Variants in DTNB observed in about 807,000 individuals in gnomAD.
The protein encoded by DTNB is dystrobrevin beta, also known as DTN-B.
Under a neutral mutation model 90.7 loss-of-function variants are expected in DTNB, and 63 were observed. That is an observed-to-expected ratio of 0.69 (90% confidence interval 0.57 to 0.86). The LOEUF is 0.86. Among genes scored for constraint, DTNB ranks in the 40% least tolerant of loss-of-function variants. The pLI, the probability that DTNB is intolerant of heterozygous loss-of-function variation, is 0.00. For synonymous variants in DTNB, 277 were observed against 286.7 expected (o/e 0.97, Z 0.34); for missense variants, 744 against 807.1 (o/e 0.92, Z 0.95).
Position 25,387,917 on chromosome 2 carries a change from G to A in DTNB, c.1735+285C>T, listed in dbSNP as rs2039968292. 1.3e-5 allele frequency among the ~76,000 whole-genome samples: 2 copies of A among 152,242 alleles called. No homozygotes were observed. The highest frequency in any genetic ancestry group is 4.1e-4 in the South Asian group (2 of 4,826). On this transcript the variant is annotated intron_variant, in intron 17 of 20. Coordinates refer to ENST00000406818, the MANE Select transcript of DTNB (RefSeq NM_021907.5). This position sits in a 1 kb window ranked among gnomAD's most constrained non-coding sequence, Gnocchi z 4.5. ...AATTATTCCATCCAATTCCTCTGGA[G>A]GAGACAAAGCCCAAAGGACAAAGCA...
intron 8 of DTNB, among the ~76,000 whole-genome samples, chr2:25,547,409 C>T (rs1021034454): frequency 1.3e-5 from 2 of 150,562 alleles, no homozygotes; most frequent in Non-Finnish European, 2.9e-5. Flanking sequence ...ACTGCAACCT[C>T]CGCCTCCCGA....
chr2:25,652,820 T>A, intron 1 of DTNB, 159 bp from the exon 2 acceptor site: 1 of 568,090 alleles, frequency 1.8e-6, no homozygotes. Context: ...CAGAAAAAGA[T>A]AAACTGCCAT....
chr2:25,396,989 C>G (rs2149606354), intron 16 of DTNB, among the ~76,000 whole-genome samples: 1 of 152,032 alleles, frequency 6.6e-6, no homozygotes, highest in African/African-American at 2.4e-5. Context: ...TTTTAGATAA[C>G]TGAATTTCTT....
chr2:25,389,263 G>A (rs984295083), intron 16 of DTNB, among the ~76,000 whole-genome samples: 2 of 152,356 alleles, frequency 1.3e-5, no homozygotes, highest in East Asian at 1.9e-4. Context: ...CTCCAAGGGT[G>A]GCAGTGTGCA....
At chr2:25,464,019 C>T (rs1300935209) in intron 10 of DTNB, among the ~76,000 whole-genome samples, 1 of 152,184 alleles carries the variant, frequency 6.6e-6, no homozygotes, top group Non-Finnish European at 1.5e-5. Context: ...GATTCTCGTG[C>T]CTCAGCCTCC....
In DTNB at chr2:25,535,743, C is replaced by T. The variant is rs567207518; in HGVS notation, c.877-4146G>A. Among the ~76,000 whole-genome samples the T allele has an allele frequency of 2.9e-3, 407 of 142,028 alleles. 8 individuals carry two copies. The highest frequency in any genetic ancestry group is 0.01 in the African/African-American group (382 of 37,304). The allele number at this position is 142,028 out of a possible 152,430, so 93.2% of individuals were successfully genotyped here. On this transcript the variant is annotated intron_variant, in intron 8 of 20. Transcript: ENST00000406818. ...AGACGGGGTGGCTGCCGGGCAGAGG[C>T]GCTCCTCACTTCCCAGACGGGGGTG...
intron 4 of DTNB, among the ~76,000 whole-genome samples, chr2:25,627,855 G>GCCT (rs1344517941): frequency 6.6e-6 from 1 of 151,236 alleles, no homozygotes; most frequent in Non-Finnish European, 1.5e-5. Flanking sequence ...TCCTGCCTCA[G>GCCT]CCTCCTAAGT....
chr2:25,608,278 T>C (rs1464224217), intron 4 of DTNB, among the ~76,000 whole-genome samples: 6 of 152,340 alleles, frequency 3.9e-5, no homozygotes, highest in Non-Finnish European at 5.9e-5. Context: ...ATGGTTCTAA[T>C]ACAGTGTTTC....
chr2:25,380,966 C>A (rs1034613912), intron 19 of DTNB, among the ~76,000 whole-genome samples: 1 of 152,246 alleles, frequency 6.6e-6, no homozygotes, highest in Non-Finnish European at 1.5e-5. Context: ...ATGGCCCACA[C>A]TCAGACTCGA....
chr2:25,467,765 C>T lies in DTNB; in HGVS notation c.1080-12271G>A, dbSNP rs148018586. Among the ~76,000 whole-genome samples the T allele has an allele frequency of 2.0e-5, 3 of 152,078 alleles. No individual in the cohort carries two copies. The East Asian group carries it at 5.8e-4, about 29-fold the overall frequency. ...CTTTTTAACATCCTTATTCTAAATCCAAGACAAGATGAAATGCTTATTGTT... is the reference window on the plus strand; with the variant it reads ...CTTTTTAACATCCTTATTCTAAATCTAAGACAAGATGAAATGCTTATTGTT... On this transcript the variant is annotated intron_variant, in intron 10 of 20. Coordinates refer to ENST00000406818, the MANE Select transcript of DTNB (RefSeq NM_021907.5).
At chr2:25,538,605 C>T (rs1004987397) in intron 8 of DTNB, among the ~76,000 whole-genome samples, 2 of 152,022 alleles carry the variant, frequency 1.3e-5, no homozygotes, top group Non-Finnish European at 2.9e-5. Flanking sequence ...GCATATGCCA[C>T]CACACCTGGC....
intron 8 of DTNB, among the ~76,000 whole-genome samples, chr2:25,547,498 G>C (rs2082699652): frequency 6.6e-6 from 1 of 151,664 alleles, no homozygotes; most frequent in Non-Finnish European, 1.5e-5. Context: ...CCATTTTTGT[G>C]TTTTAGTGGA....
intron 9 of DTNB, among the ~76,000 whole-genome samples, chr2:25,500,505 G>T (rs944579238): frequency 1.3e-5 from 2 of 152,114 alleles, no homozygotes; most frequent in Non-Finnish European, 2.9e-5. Context: ...GAACCTAAAA[G>T]AAATGTAAAA....
chr2:25,583,824 G>GTT (rs893131446), intron 6 of DTNB, among the ~76,000 whole-genome samples: 1 of 146,040 alleles, frequency 6.8e-6, no homozygotes, highest in Non-Finnish European at 1.5e-5. Flanking sequence ...CAATCATGGA[G>GTT]TTTTTTTTTT....
chr2:25,445,143 C>A (rs902735314), intron 12 of DTNB, among the ~76,000 whole-genome samples: 40 of 152,288 alleles, frequency 2.6e-4, no homozygotes, highest in African/African-American at 7.9e-4. Flanking sequence ...ACTATGTAAA[C>A]TCAGTAAGAC....
At position 25,589,327 on chromosome 2, in the gene DTNB, T is replaced by C. The variant is rs138961871; in HGVS notation, c.603+6759A>G. On this transcript the variant is annotated intron_variant, in intron 6 of 20. Coordinates refer to ENST00000406818, the MANE Select transcript of DTNB (RefSeq NM_021907.5). ...CTTTCCTATCTGCTCACTTCTCCCT[T>C]TCTCTCCATTCTTTGCTTATTCAGG... Among the ~76,000 whole-genome samples, 210 of 151,678 alleles carry C rather than the reference T, an allele frequency of 1.4e-3. 1 individual carries two copies. Among genetic ancestry groups the C allele is most frequent in the Admixed American group, 3.7e-3 (57 of 15,228 alleles).
At chr2:25,390,245 C>A (rs2040721786) in intron 16 of DTNB, among the ~76,000 whole-genome samples, 2 of 152,020 alleles carry the variant, frequency 1.3e-5, no homozygotes, top group Non-Finnish European at 2.9e-5. Flanking sequence ...TTCCATGATA[C>A]AAATAAATAT....
At chr2:25,471,844 C>G (rs1045033579) in intron 10 of DTNB, among the ~76,000 whole-genome samples, 1 of 141,954 alleles carries the variant, frequency 7.0e-6, no homozygotes, top group Non-Finnish European at 1.5e-5. Context: ...CGCTATCAAT[C>G]AATGCTTGGG....
chr2:25,527,879 AAG>A (rs1385217818), intron 9 of DTNB, among the ~76,000 whole-genome samples: 2 of 152,160 alleles, frequency 1.3e-5, no homozygotes, highest in African/African-American at 4.8e-5. Context: ...AAAATATGAA[AAG>A]AGAGAATGCT....
Sources: allele counts gnomAD v4.1 joint callset (sites outside exome capture counted in the v4.1 genomes callset), GRCh38; gene constraint gnomAD v4.1.1; non-coding constraint Gnocchi (gnomAD v3.1); transcripts MANE v1.5; gene names NCBI Gene and HGNC (gene_info 2026-07-23, HGNC 2026-07-21).